The following ERICH3 variants were observed in gnomAD, a reference collection of about 807,000 sequenced individuals.
The protein encoded by ERICH3 is glutamate-rich protein 3.
In ERICH3, 126 loss-of-function variants were observed where a neutral mutation model predicts 131.1. That is an observed-to-expected ratio of 0.96 (90% CI 0.83 to 1.11). The LOEUF (loss-of-function observed/expected upper bound fraction) is 1.11. Among genes scored for constraint, ERICH3 ranks in the 50% most tolerant of loss-of-function variants. The pLI is 0.00. For missense variants in ERICH3, 2,050 were observed against 1,810.7 expected, an observed-to-expected ratio of 1.13 and a Z score of -2.40; for synonymous variants, 695 against 644.6, an observed-to-expected ratio of 1.08 and a Z score of -1.18.
At chr1:74,570,462 G>A (rs949596985) in intron 14 of ERICH3, 23 bp from the exon 15 acceptor site, 1 of 152,184 alleles carries the variant, frequency 6.6e-6, no homozygotes, top group South Asian at 2.1e-4. Flanking sequence ...AAAAAGGATA[G>A]TAGTACCAGG....
intron 7 of ERICH3, chr1:74,623,940 A>G (rs1649322857): frequency 6.6e-6 from 1 of 152,170 alleles, no homozygotes; most frequent in Non-Finnish European, 1.5e-5. Flanking sequence ...GGCCTCTACA[A>G]CTGTATGAGT....
intron 13 of ERICH3, among the ~76,000 whole-genome samples, chr1:74,573,948 T>C (rs900953946): frequency 6.6e-6 from 1 of 151,632 alleles, no homozygotes; most frequent in Non-Finnish European, 1.5e-5. Context: ...AAAAATAGCA[T>C]TTAATCTTCA....
chr1:74,645,697 C>T (rs1487734663), intron 3 of ERICH3, among the ~76,000 whole-genome samples: 4 of 151,868 alleles, frequency 2.6e-5, no homozygotes, highest in Admixed American at 2.6e-4. Flanking sequence ...CTTTTATAAG[C>T]AAGAATTTAG....
intron 12 of ERICH3, chr1:74,578,475 C>G (rs1224913444): frequency 6.6e-6 from 1 of 152,142 alleles, no homozygotes; most frequent in Non-Finnish European, 1.5e-5. Flanking sequence ...CTGACATTAC[C>G]ATTATATCAC....
chr1:74,613,622 T>G (rs890241099), intron 8 of ERICH3, among the ~76,000 whole-genome samples: 3 of 152,212 alleles, frequency 2.0e-5, no homozygotes, highest in Non-Finnish European at 4.4e-5. Context: ...TATACTCAAT[T>G]CTGTTTGGAT....
intron 1 of ERICH3, among the ~76,000 whole-genome samples, chr1:74,671,140 C>T (rs946360322): frequency 6.6e-6 from 1 of 151,778 alleles, no homozygotes; most frequent in Non-Finnish European, 1.5e-5. Flanking sequence ...AGACCCTTAT[C>T]AGTAGTTCTG....
At chr1:74,622,771 CTT>C (rs1325937896) in intron 7 of ERICH3, 3 of 152,060 alleles carry the variant, frequency 2.0e-5, no homozygotes, top group African/African-American at 7.2e-5. Flanking sequence ...GAAGGAGAAA[CTT>C]TTAAAGAGAA....
chr1:74,636,070 C>A (rs1287301969), intron 6 of ERICH3, among the ~76,000 whole-genome samples: 2 of 152,080 alleles, frequency 1.3e-5, no homozygotes, highest in Non-Finnish European at 2.9e-5. Context: ...CCAATCTATT[C>A]TTTACTTTTT....
At chr1:74,616,685 C>A (rs1648981470) in intron 8 of ERICH3, among the ~76,000 whole-genome samples, 1 of 151,940 alleles carries the variant, frequency 6.6e-6, no homozygotes, top group Non-Finnish European at 1.5e-5. Context: ...GACATAGGGT[C>A]TTCAAAGATA....
chr1:74,583,210 G>A (rs1647209816), intron 12 of ERICH3, among the ~76,000 whole-genome samples: 2 of 152,052 alleles, frequency 1.3e-5, no homozygotes, highest in Admixed American at 1.3e-4. Context: ...ATATCTTGGG[G>A]GCTTCAGGGG....
At chr1:74,580,086 T>G (rs1647151071) in intron 12 of ERICH3, among the ~76,000 whole-genome samples, 1 of 152,082 alleles carries the variant, frequency 6.6e-6, no homozygotes, top group Non-Finnish European at 1.5e-5. Context: ...TATCCAAAGC[T>G]TGAAAAAACT....
At chr1:74,657,610 C>T (rs1335114054) in intron 1 of ERICH3, among the ~76,000 whole-genome samples, 2 of 152,202 alleles carry the variant, frequency 1.3e-5, no homozygotes, top group South Asian at 2.1e-4. Context: ...CAGATGAGAA[C>T]CATAATATTA....
intron 12 of ERICH3, among the ~76,000 whole-genome samples, chr1:74,584,399 T>G (rs1162456764): frequency 6.6e-6 from 1 of 152,126 alleles, no homozygotes; most frequent in African/African-American, 2.4e-5. Flanking sequence ...TCCTCTGACC[T>G]CATCTTGTAC....
In ERICH3 at chr1:74,660,506, C is replaced by A. The variant is rs924613207; in HGVS notation, c.24-11191G>T. On this transcript the variant is annotated intron_variant, in intron 1 of 14. Transcript: ENST00000326665. ...CTTGGAACACAGTCTTTTATAGATA[C>A]AAATAGCCTACTTAAACTCTTTAAA... Among the ~76,000 whole-genome samples the A allele has an allele frequency of 2.0e-5, 3 of 150,706 alleles. No homozygotes were observed. The South Asian group carries it at 6.3e-4, about 31-fold the overall frequency.
intron 1 of ERICH3, among the ~76,000 whole-genome samples, chr1:74,655,121 C>T (rs966612658): frequency 5.3e-5 from 8 of 152,088 alleles, no homozygotes; most frequent in Non-Finnish European, 1.2e-4. Flanking sequence ...AATATATATT[C>T]CTGCATCCTG....
At chr1:74,632,395 A>T (rs1254700818) in intron 6 of ERICH3, among the ~76,000 whole-genome samples, 1 of 152,012 alleles carries the variant, frequency 6.6e-6, no homozygotes, top group Non-Finnish European at 1.5e-5. Context: ...TAACTCATGT[A>T]CTATTTAGAG....
At position 74,571,662 on chromosome 1, in the gene ERICH3, C is replaced by A. The variant is rs201678697; in HGVS notation, c.4048G>T (p.Ala1350Ser). The change falls in exon 14 of 15, where the codon GCA (alanine) becomes TCA (serine). Residue 1350 changes from alanine to serine, a missense_variant. Transcript: ENST00000326665. ...VEVLHGGGET[A>S]ETAAEEREVL... Reference sequence around the variant, plus strand: ...TCCCTCTCCTCTGCGGCTGTTTCTGCCGTTTCACCACCTCCGTGTAGAACT... The same window carrying A: ...TCCCTCTCCTCTGCGGCTGTTTCTGACGTTTCACCACCTCCGTGTAGAACT... The A allele has an allele frequency of 1.2e-5, 20 of 1,614,154 alleles. No homozygotes were observed. In the Admixed American group the frequency reaches 2.8e-4, roughly 23 times the overall value.
At chr1:74,672,944 C>A (rs1646755164) in intron 1 of ERICH3, among the ~76,000 whole-genome samples, 1 of 152,038 alleles carries the variant, frequency 6.6e-6, no homozygotes, top group African/African-American at 2.4e-5. Context: ...TGCCATATAA[C>A]CTTCCTTTAT....
At chr1:74,661,680 C>A (rs960668754) in intron 1 of ERICH3, among the ~76,000 whole-genome samples, 2 of 152,054 alleles carry the variant, frequency 1.3e-5, no homozygotes, top group African/African-American at 4.8e-5. Flanking sequence ...AAGACTTAAG[C>A]AACATATACT....
Sources: allele counts gnomAD v4.1 joint callset (sites outside exome capture counted in the v4.1 genomes callset), GRCh38; gene constraint gnomAD v4.1.1; transcripts MANE v1.5; gene names NCBI Gene and HGNC (gene_info 2026-07-23, HGNC 2026-07-21).